The following PTPRD variants were observed in gnomAD, a reference collection of about 807,000 sequenced individuals.
PTPRD encodes the protein receptor-type tyrosine-protein phosphatase delta.
PTPRD carries 34 observed loss-of-function variants against 214.5 expected under a neutral mutation model. That is an observed-to-expected ratio of 0.16 (90% CI 0.12 to 0.21). The LOEUF (loss-of-function observed/expected upper bound fraction) is 0.21. Among genes scored for constraint, PTPRD ranks in the 10% least tolerant of loss-of-function variants. The pLI is 1.00. For synonymous variants in PTPRD, 1,128 were observed against 845.7 expected, an observed-to-expected ratio of 1.33 and a Z score of -5.79; for missense variants, 2,545 against 2,398.7, an observed-to-expected ratio of 1.06 and a Z score of -1.27.
chr9:8,455,237 A>T (rs774081475), intron 33 of PTPRD, among the ~76,000 whole-genome samples: 1 of 152,224 alleles, frequency 6.6e-6, no homozygotes, highest in Non-Finnish European at 1.5e-5. Flanking sequence ...ACCCATCATT[A>T]TAAATCTACA....
chr9:10,237,495 T>C (rs1388087008), intron 3 of PTPRD, among the ~76,000 whole-genome samples: 2 of 151,956 alleles, frequency 1.3e-5, no homozygotes, highest in African/African-American at 2.4e-5. Context: ...TGACAATTTA[T>C]TCAGCAACAT....
intron 2 of PTPRD, among the ~76,000 whole-genome samples, chr9:10,411,598 C>A (rs540625423): frequency 1.3e-5 from 2 of 151,674 alleles, no homozygotes; most frequent in Non-Finnish European, 2.9e-5. Flanking sequence ...GACTTACTTG[C>A]TGATTTGCTA....
chr9:10,054,550 A>T (rs389095), intron 3 of PTPRD, among the ~76,000 whole-genome samples: 7,120 of 152,086 alleles, frequency 0.047, 591 homozygotes, highest in African/African-American at 0.16. Flanking sequence ...ACCTTTTGAG[A>T]TGTGAATCTC....
Position 8,460,402 on chromosome 9 carries a change from C to G in PTPRD, c.3875+9G>C, listed in dbSNP as rs761716183. On this transcript the variant is annotated intron_variant, in intron 33 of 45. Transcript: ENST00000381196. ...CCAAAATTACAACAGAAATATTGGG[C>G]AAACCTACCTTTTATAAAGAAGAAT... 4 of 1,610,652 alleles carry G rather than the reference C, an allele frequency of 2.5e-6. No individual in the cohort carries two copies. Among genetic ancestry groups the G allele is most frequent in the East Asian group, 4.5e-5 (2 of 44,804 alleles).
chr9:9,455,870 G>A (rs923478666), intron 8 of PTPRD, among the ~76,000 whole-genome samples: 1 of 151,754 alleles, frequency 6.6e-6, no homozygotes, highest in Non-Finnish European at 1.5e-5. Flanking sequence ...GGGAAAGAGG[G>A]ACCACATGAA....
intron 2 of PTPRD, among the ~76,000 whole-genome samples, chr9:10,410,219 C>T (rs898302522): frequency 4.5e-4 from 63 of 140,230 alleles, no homozygotes; most frequent in African/African-American, 8.0e-4. Flanking sequence ...AACAAATGTG[C>T]TAATAACCAG....
chr9:8,411,981 T>C (rs188457545), intron 35 of PTPRD, among the ~76,000 whole-genome samples: 148 of 152,346 alleles, frequency 9.7e-4, no homozygotes, highest in African/African-American at 3.5e-3. Flanking sequence ...CAAGCAAATG[T>C]ATTAGAAAGT....
At position 9,310,924 on chromosome 9, in the gene PTPRD, A is replaced by G. The variant is rs184555308; in HGVS notation, c.-203+86525T>C. Among the ~76,000 whole-genome samples the G allele has an allele frequency of 9.2e-3, 1,251 of 135,928 alleles. 17 individuals are homozygous for G. The highest frequency in any genetic ancestry group is 0.014 in the Non-Finnish European group (892 of 65,926). 89.2% of individuals were successfully genotyped at this position (135,928 alleles called of 152,430 possible). ...CAAGAGCAAAGCTGTGTCTCAGATA[A>G]ATAAATAAATAAATAAATAAATAAA... On this transcript the variant is annotated intron_variant, in intron 9 of 45. Transcript: ENST00000381196.
At chr9:10,163,756 T>C (rs559724396) in intron 3 of PTPRD, among the ~76,000 whole-genome samples, 2 of 151,560 alleles carry the variant, frequency 1.3e-5, no homozygotes, top group Admixed American at 6.6e-5. Context: ...CAAAAATATA[T>C]TGAAAATCAA....
chr9:8,679,063 G>A (rs1342004141), intron 12 of PTPRD, among the ~76,000 whole-genome samples: 1 of 152,150 alleles, frequency 6.6e-6, no homozygotes, highest in East Asian at 1.9e-4. Context: ...AGAGGGTTGG[G>A]ATGGAAACCG....
chr9:10,142,116 A>G (rs1024756367), intron 3 of PTPRD, among the ~76,000 whole-genome samples: 2,505 of 152,178 alleles, frequency 0.016, 52 homozygotes, highest in African/African-American at 0.057. Flanking sequence ...CTTATACAAA[A>G]ATCAATTCAA....
chr9:8,350,402 G>C (rs966874130), intron 39 of PTPRD, among the ~76,000 whole-genome samples: 17 of 152,116 alleles, frequency 1.1e-4, no homozygotes, highest in Admixed American at 5.2e-4. Flanking sequence ...TTGTACATAT[G>C]TCAGCTTATA....
chr9:8,606,209 G>A (rs62530702), intron 14 of PTPRD, among the ~76,000 whole-genome samples: 14,560 of 152,086 alleles, frequency 0.096, 817 homozygotes, highest in East Asian at 0.17. Context: ...AGGGAAAAGT[G>A]TCCAAATAAC....
At chr9:9,454,626 C>T (rs2092727987) in intron 8 of PTPRD, among the ~76,000 whole-genome samples, 1 of 151,450 alleles carries the variant, frequency 6.6e-6, no homozygotes, top group South Asian at 2.1e-4. Context: ...TCTCACATGC[C>T]AAAACCAAGA....
At chr9:9,631,492 A>T (rs1449205325) in intron 7 of PTPRD, among the ~76,000 whole-genome samples, 1 of 152,196 alleles carries the variant, frequency 6.6e-6, no homozygotes, top group Non-Finnish European at 1.5e-5. Flanking sequence ...TTTTTGAAGC[A>T]GCACTCTTTA....
chr9:9,877,808 T>C (rs548619405), intron 5 of PTPRD, among the ~76,000 whole-genome samples: 92 of 151,932 alleles, frequency 6.1e-4, no homozygotes, highest in African/African-American at 2.1e-3. Flanking sequence ...AACCTGTCTC[T>C]ACTGAAAATA....
intron 3 of PTPRD, among the ~76,000 whole-genome samples, chr9:10,295,057 G>C (rs2095636219): frequency 6.6e-6 from 1 of 151,892 alleles, no homozygotes; most frequent in Admixed American, 6.6e-5. Flanking sequence ...CTTAATCGTT[G>C]AACATCTTTA....
chr9:8,545,027 T>C (rs905969946), intron 14 of PTPRD, among the ~76,000 whole-genome samples: 8 of 151,848 alleles, frequency 5.3e-5, no homozygotes, highest in African/African-American at 1.9e-4. Context: ...ACTTTCCTGG[T>C]GCTTCTTAAT....
chr9:8,505,561 G>C (rs13294604), intron 22 of PTPRD, among the ~76,000 whole-genome samples: 1 of 146,688 alleles, frequency 6.8e-6, no homozygotes, highest in Non-Finnish European at 1.5e-5. Context: ...GGCAGAGCTT[G>C]CAGTGAGCAG....
Sources: allele counts gnomAD v4.1 joint callset (sites outside exome capture counted in the v4.1 genomes callset), GRCh38; gene constraint gnomAD v4.1.1; transcripts MANE v1.5; gene names NCBI Gene and HGNC (gene_info 2026-07-23, HGNC 2026-07-21).